MID1: variants seen among roughly 807,000 people sequenced by gnomAD.
MID1 encodes E3 ubiquitin-protein ligase Midline-1.
MID1 carries 7 observed loss-of-function variants against 40.4 expected under a neutral mutation model. That is an observed-to-expected ratio of 0.17 (90% CI 0.10 to 0.33). The LOEUF (loss-of-function observed/expected upper bound fraction) is 0.33, where lower values mean the gene tolerates loss of function less well. Among genes scored for constraint, MID1 ranks in the 10% least tolerant of loss-of-function variants. The pLI, the probability that MID1 is intolerant of heterozygous loss-of-function variation, is 1.00. For missense variants in MID1, 367 were observed against 558.5 expected, an observed-to-expected ratio of 0.66 and a Z score of 3.46; for synonymous variants, 229 against 221.2, an observed-to-expected ratio of 1.04 and a Z score of -0.31.
In MID1 at chrX:10,466,504, G is replaced by A. The variant is rs946289320; in HGVS notation, c.1285+3193C>T. Among the ~76,000 whole-genome samples the A allele has an allele frequency of 2.7e-5, 3 of 110,841 alleles. No homozygotes were observed. In the Admixed American group the frequency reaches 2.9e-4, roughly 11 times the overall value. ...CAACTTCGACATTACTGACATTTTGGGCCAGATAGTTCTCTGTTGTTGGGG... is the reference window on the plus strand; with the variant it reads ...CAACTTCGACATTACTGACATTTTGAGCCAGATAGTTCTCTGTTGTTGGGG... On this transcript the variant is annotated intron_variant, in intron 7 of 9. Coordinates refer to ENST00000317552, the MANE Select transcript of MID1 (RefSeq NM_000381.4).
chrX:10,804,972 C>T (rs1196162032), intron 1 of MID1, among the ~76,000 whole-genome samples: 1 of 111,192 alleles, frequency 9.0e-6, no homozygotes, highest in South Asian at 3.8e-4. Context: ...ACCATGAGAA[C>T]CTTGTGGGGG....
intron 3 of MID1, chrX:10,506,292 C>A: frequency 9.8e-7 from 1 of 1,016,492 alleles, no homozygotes; most frequent in South Asian, 3.7e-5. Context: ...ACATGGTTGG[C>A]AGTTGTATCC....
intron 1 of MID1, among the ~76,000 whole-genome samples, chrX:10,715,243 G>A (rs980838043): frequency 3.6e-5 from 4 of 112,294 alleles, no homozygotes; most frequent in African/African-American, 1.3e-4. Context: ...GAAGCAGGGC[G>A]AGGCATCACC....
chrX:10,564,769 C>T, intron 2 of MID1, among the ~76,000 whole-genome samples: 1 of 111,028 alleles, frequency 9.0e-6, no homozygotes, highest in East Asian at 2.8e-4. Flanking sequence ...AGAACCTGAC[C>T]ACAAGATTTA....
intron 1 of MID1, among the ~76,000 whole-genome samples, chrX:10,613,732 T>TAGAGAGAGAGAGAG (rs1163813461): frequency 1.7e-4 from 3 of 17,480 alleles, no homozygotes; most frequent in South Asian, 5.3e-3. Flanking sequence ...TATATATATA[T>TAGAGAGAGAGAGAG]AGAGAGAGAG....
chrX:10,544,180 TAA>T (rs769841506), intron 2 of MID1, among the ~76,000 whole-genome samples: 2 of 111,765 alleles, frequency 1.8e-5, no homozygotes, highest in Admixed American at 1.9e-4. Context: ...CATCGTTCTT[TAA>T]AAAGTCAACT....
At chrX:10,747,487 T>C (rs1415473715) in intron 1 of MID1, among the ~76,000 whole-genome samples, 1 of 112,355 alleles carries the variant, frequency 8.9e-6, no homozygotes, top group Non-Finnish European at 1.9e-5. Context: ...CAATGATTGG[T>C]GATTTTTGAA....
chrX:10,453,888 A>G (rs1318182109), intron 9 of MID1, among the ~76,000 whole-genome samples: 1 of 112,159 alleles, frequency 8.9e-6, no homozygotes, highest in Non-Finnish European at 1.9e-5. Flanking sequence ...AGTAAAGTGG[A>G]TAATATTAGC....
intron 1 of MID1, among the ~76,000 whole-genome samples, chrX:10,768,197 A>C (rs926390853): frequency 9.0e-6 from 1 of 110,816 alleles, no homozygotes; most frequent in East Asian, 2.8e-4. Flanking sequence ...AGAAAAATGA[A>C]ACTTTTTTTT....
At chrX:10,554,341 C>A (rs1383552554) in intron 2 of MID1, among the ~76,000 whole-genome samples, 1 of 111,856 alleles carries the variant, frequency 8.9e-6, no homozygotes, top group Non-Finnish European at 1.9e-5. Context: ...GTTTGATCAA[C>A]AAACACCCTT....
At chrX:10,505,755 C>T (rs1225656368) in intron 3 of MID1, 2 of 750,368 alleles carry the variant, frequency 2.7e-6, no homozygotes, top group East Asian at 1.5e-4. Context: ...GAAACCTCTA[C>T]TCTATGACTT....
At chrX:10,625,602 A>T (rs1935987808) in intron 1 of MID1, among the ~76,000 whole-genome samples, 1 of 112,431 alleles carries the variant, frequency 8.9e-6, no homozygotes, top group African/African-American at 3.2e-5. Flanking sequence ...TAATCGATTT[A>T]TTATGTACTT....
intron 1 of MID1, among the ~76,000 whole-genome samples, chrX:10,769,816 C>T (rs966863568): frequency 9.0e-6 from 1 of 111,449 alleles, no homozygotes; most frequent in Non-Finnish European, 1.9e-5. Context: ...GACGACTACT[C>T]TAGCATGAAG....
chrX:10,471,597 G>A (rs1929711307), intron 6 of MID1, among the ~76,000 whole-genome samples: 1 of 112,089 alleles, frequency 8.9e-6, no homozygotes, highest in Non-Finnish European at 1.9e-5. Context: ...TGACTTGGAT[G>A]TGCATGAATC....
At chrX:10,615,025 G>A (rs1415402754) in intron 1 of MID1, among the ~76,000 whole-genome samples, 1 of 112,065 alleles carries the variant, frequency 8.9e-6, no homozygotes, top group African/African-American at 3.2e-5. Flanking sequence ...TAATAATTAT[G>A]AGAAATCTGC....
At chrX:10,503,750 G>A (rs1364340627) in intron 3 of MID1, among the ~76,000 whole-genome samples, 4 of 111,795 alleles carry the variant, frequency 3.6e-5, no homozygotes, top group Admixed American at 1.9e-4. Context: ...AAATAGCTCC[G>A]AGGAACCTCA....
rs1251040786 is a variant in MID1 at position 10,732,552 on chromosome X, A to T, written c.-187+101002T>A. Among the ~76,000 whole-genome samples, 3 of 112,373 alleles carry T rather than the reference A, an allele frequency of 2.7e-5. No individual in the cohort carries two copies. The East Asian group carries it at 8.4e-4, about 31-fold the overall frequency. On this transcript the variant is annotated intron_variant, in intron 1 of 10. Transcript: ENST00000380785. The stretch of plus-strand genomic sequence containing the variant: ...AAAATTCAACATTGCTAAAATGTCA[A>T]TTCTCCCCTAATTGATCTATAGAGT...
At chrX:10,800,019 G>A (rs1168863358) in intron 1 of MID1, among the ~76,000 whole-genome samples, 1 of 110,355 alleles carries the variant, frequency 9.1e-6, no homozygotes, top group East Asian at 2.8e-4. Context: ...TGCTGTGGTA[G>A]ATATCTCCAA....
chrX:10,514,771 C>A (rs1405817058), intron 3 of MID1, among the ~76,000 whole-genome samples: 4 of 111,654 alleles, frequency 3.6e-5, no homozygotes, highest in Non-Finnish European at 7.5e-5. Context: ...TATAGTGGCT[C>A]GTCATAATCC....
Sources: allele counts gnomAD v4.1 joint callset (sites outside exome capture counted in the v4.1 genomes callset), GRCh38; gene constraint gnomAD v4.1.1; transcripts MANE v1.5; gene names NCBI Gene and HGNC (gene_info 2026-07-23, HGNC 2026-07-21).